Variants in SAMD5 observed in about 807,000 individuals in gnomAD.
The protein encoded by SAMD5 is sterile alpha motif domain containing 5.
Under a neutral mutation model 11.3 loss-of-function variants are expected in SAMD5, and 13 were observed. That is an observed-to-expected ratio of 1.15 (90% CI 0.75 to 1.83). The LOEUF (loss-of-function observed/expected upper bound fraction) is 1.83. Ranked by LOEUF, SAMD5 falls within the 40% of genes most tolerant of loss-of-function variation. The pLI is 0.00. For missense variants in SAMD5, 255 were observed against 239.1 expected (o/e 1.07, Z -0.44); for synonymous variants, 129 against 111.3 (o/e 1.16, Z -1.00).
chr6:147,699,640 A>G (rs916831438), intron 1 of SAMD5, among the ~76,000 whole-genome samples: 3 of 152,236 alleles, frequency 2.0e-5, no homozygotes, highest in African/African-American at 7.2e-5. Flanking sequence ...GAAACGTTTT[A>G]TTCACAGAGG....
Position 147,567,117 on chromosome 6 carries a change from T to C in SAMD5, c.*2661T>C. ...AGGGTCATAGCAAAATTTTCTTTAG[T>C]TCATCTTAAAATTTAGGGAGGTAAA... On this transcript the variant is annotated 3_prime_UTR_variant, in exon 2 of 2. Transcript: ENST00000367474. 1 of 983,456 alleles carries C rather than the reference T, an allele frequency of 1.0e-6. No homozygotes were observed. Among genetic ancestry groups the C allele is most frequent in the Non-Finnish European group, 1.2e-6 (1 of 828,160 alleles). The allele number at this position is 983,456 out of a possible 1,614,324, so 60.9% of individuals were successfully genotyped here. A position where few individuals can be genotyped will look rare whatever the true frequency, so the allele number is the denominator to read the frequency against.
At chr6:147,935,998 G>C in the SAMD5 span, among the ~76,000 whole-genome samples, 1 of 152,168 alleles carries the variant, frequency 6.6e-6, no homozygotes, top group East Asian at 1.9e-4. Context: ...CTATATTGCT[G>C]CACAAACTTG....
At chr6:147,510,332 T>C (rs9485192) in intron 1 of SAMD5, among the ~76,000 whole-genome samples, 6,217 of 152,272 alleles carry the variant, frequency 0.041, 343 homozygotes, top group East Asian at 0.18. Flanking sequence ...TTTAGGTTTC[T>C]AGTTCAGGCG....
At chr6:147,725,724 T>C (rs1791616912) in intron 1 of SAMD5, among the ~76,000 whole-genome samples, 1 of 152,202 alleles carries the variant, frequency 6.6e-6, no homozygotes, top group African/African-American at 2.4e-5. Context: ...TATAGAATAT[T>C]GAAGTGGCTG....
At chr6:147,896,794 G>A in the SAMD5 span, among the ~76,000 whole-genome samples, 1 of 140,106 alleles carries the variant, frequency 7.1e-6, no homozygotes, top group Admixed American at 7.2e-5. Flanking sequence ...AAAGTGTGCA[G>A]TTTGGGGATT....
the SAMD5 span, among the ~76,000 whole-genome samples, chr6:147,762,999 A>T: frequency 6.6e-6 from 1 of 152,256 alleles, no homozygotes; most frequent in East Asian, 1.9e-4. Context: ...TTATTTTTGG[A>T]CCTACAACAA....
At chr6:147,628,259 T>C (rs1374070786) in intron 1 of SAMD5, among the ~76,000 whole-genome samples, 2 of 152,184 alleles carry the variant, frequency 1.3e-5, no homozygotes, top group African/African-American at 4.8e-5. Context: ...ACTAAAGAAA[T>C]TGAAAACTCT....
the SAMD5 span, among the ~76,000 whole-genome samples, chr6:147,749,689 T>G: frequency 6.6e-6 from 1 of 152,202 alleles, no homozygotes; most frequent in Non-Finnish European, 1.5e-5. Flanking sequence ...CCTTGAGTTG[T>G]ATTCAGAGGA....
chr6:147,658,778 C>A (rs1257544086), intron 1 of SAMD5, among the ~76,000 whole-genome samples: 1 of 152,016 alleles, frequency 6.6e-6, no homozygotes, highest in East Asian at 1.9e-4. Context: ...TTTGTGAGAA[C>A]TGATCTCAAT....
In SAMD5 at chr6:147,597,545, C is replaced by G. The variant is rs374066604; in HGVS notation, c.162+88158C>G. 2.0e-4 allele frequency among the ~76,000 whole-genome samples: 31 copies of G among 152,276 alleles called. No individual in the cohort carries two copies. The South Asian group carries it at 6.2e-3, about 31-fold the overall frequency. The stretch of plus-strand genomic sequence containing the variant: ...AGCTTTTTAGATGTATTTCCTCTTA[C>G]CCTACTGGAAAGCGTACTTACAAAA... On this transcript the variant is annotated intron_variant, in intron 1 of 1. Coordinates refer to the SAMD5 transcript ENST00000566741.
intron 1 of SAMD5, among the ~76,000 whole-genome samples, chr6:147,589,435 C>G (rs945969140): frequency 1.3e-5 from 2 of 152,164 alleles, no homozygotes; most frequent in African/African-American, 4.8e-5. Context: ...AGAGACAAAT[C>G]TAGCTTAGCC....
intron 1 of SAMD5, among the ~76,000 whole-genome samples, chr6:147,631,815 C>T (rs1790156578): frequency 2.6e-5 from 4 of 152,006 alleles, no homozygotes. Context: ...CCTGAACGAT[C>T]CCTGAAGAGT....
the SAMD5 span, among the ~76,000 whole-genome samples, chr6:147,784,811 C>A: frequency 6.6e-6 from 1 of 152,146 alleles, no homozygotes; most frequent in Non-Finnish European, 1.5e-5. Context: ...AAATGAATCA[C>A]AGTCTGGTAT....
the SAMD5 span, among the ~76,000 whole-genome samples, chr6:147,839,626 TG>T: frequency 6.6e-6 from 1 of 152,160 alleles, no homozygotes; most frequent in African/African-American, 2.4e-5. Flanking sequence ...GGCATGCATC[TG>T]TAATCCAAGC....
At chr6:147,640,462 C>T (rs367629276) in intron 1 of SAMD5, among the ~76,000 whole-genome samples, 169 of 133,388 alleles carry the variant, frequency 1.3e-3, no homozygotes, top group African/African-American at 4.4e-3. Flanking sequence ...ACGCCACTGT[C>T]CTCCAGCCTG....
chr6:147,850,601 A>G, the SAMD5 span, among the ~76,000 whole-genome samples: 1 of 152,326 alleles, frequency 6.6e-6, no homozygotes, highest in African/African-American at 2.4e-5. Flanking sequence ...TAATTACAAT[A>G]GTCCCCTATT....
intron 1 of SAMD5, among the ~76,000 whole-genome samples, chr6:147,698,343 C>T (rs1415085911): frequency 1.3e-5 from 2 of 152,110 alleles, no homozygotes; most frequent in Admixed American, 6.5e-5. Flanking sequence ...TTGGGTATTC[C>T]AGTGTGTGAG....
At chr6:147,522,874 C>T (rs890980019) in intron 1 of SAMD5, among the ~76,000 whole-genome samples, 1 of 152,168 alleles carries the variant, frequency 6.6e-6, no homozygotes, top group Non-Finnish European at 1.5e-5. Context: ...GTAAAGGTTT[C>T]CTTTTCTGGC....
the SAMD5 span, among the ~76,000 whole-genome samples, chr6:147,921,274 A>ACACACACACACAC: frequency 7.1e-6 from 1 of 140,978 alleles, no homozygotes; most frequent in African/African-American, 2.7e-5. Flanking sequence ...GAGAGTATAA[A>ACACACACACACAC]ACACACACAC....
Sources: allele counts gnomAD v4.1 joint callset (sites outside exome capture counted in the v4.1 genomes callset), GRCh38; gene constraint gnomAD v4.1.1; transcripts MANE v1.5; gene names NCBI Gene and HGNC (gene_info 2026-07-23, HGNC 2026-07-21).